ACO1: variants seen among roughly 807,000 people sequenced by gnomAD.
The protein encoded by ACO1 is aconitase 1.
In ACO1, 78 loss-of-function variants were observed where a neutral mutation model predicts 105.1. The ratio of observed to expected loss-of-function variants is 0.74; its 90% CI spans 0.62 to 0.90. The LOEUF is 0.90. Among genes scored for constraint, ACO1 ranks in the 40% least tolerant of loss-of-function variants. The probability of loss-of-function intolerance (pLI) is 0.00; values close to 1 mark genes in which losing one functional copy is unlikely to be tolerated. For missense variants in ACO1, 965 were observed against 1,111.1 expected (o/e 0.87, Z 1.87); for synonymous variants, 364 against 397.4 (o/e 0.92, Z 1.00).
chr9:32,437,497 T>G (rs867135102), intron 18 of ACO1, among the ~76,000 whole-genome samples: 10 of 152,214 alleles, frequency 6.6e-5, no homozygotes, highest in Admixed American at 4.6e-4. Flanking sequence ...AAAAGATACA[T>G]GTCGAATGAT....
chr9:32,393,401 T>A (rs1398166835), intron 1 of ACO1, among the ~76,000 whole-genome samples: 3 of 152,186 alleles, frequency 2.0e-5, no homozygotes, highest in Non-Finnish European at 4.4e-5. Flanking sequence ...TCCCTCCTAA[T>A]AAATTTTGGT....
chr9:32,445,138 G>C (rs989856921), intron 19 of ACO1, among the ~76,000 whole-genome samples: 2 of 152,094 alleles, frequency 1.3e-5, no homozygotes, highest in Non-Finnish European at 2.9e-5. Context: ...AAATGAGTTC[G>C]GGAGGATTCC....
At chr9:32,434,221 A>G (rs1473618405) in intron 16 of ACO1, among the ~76,000 whole-genome samples, 1 of 152,184 alleles carries the variant, frequency 6.6e-6, no homozygotes, top group Non-Finnish European at 1.5e-5. Flanking sequence ...CACTGTGGGA[A>G]GGGATGCAGT....
At chr9:32,417,881 A>C (rs894577971) in intron 4 of ACO1, among the ~76,000 whole-genome samples, 3 of 152,222 alleles carry the variant, frequency 2.0e-5, no homozygotes, top group African/African-American at 7.2e-5. Context: ...ACTTCAATTC[A>C]GTTCATGTTT....
chr9:32,387,900 A>G (rs1563925208), intron 1 of ACO1, among the ~76,000 whole-genome samples: 1 of 152,232 alleles, frequency 6.6e-6, no homozygotes, highest in Non-Finnish European at 1.5e-5. Context: ...AGAGAGTTTT[A>G]TGGAAAAGGA....
chr9:32,427,094 T>A (rs1366973952), intron 11 of ACO1, among the ~76,000 whole-genome samples: 1 of 152,226 alleles, frequency 6.6e-6, no homozygotes, highest in Admixed American at 6.5e-5. Context: ...GCTTTGAGTT[T>A]ACTGCATATA....
At chr9:32,440,258 ACT>A (rs1822446745) in intron 18 of ACO1, among the ~76,000 whole-genome samples, 1 of 151,052 alleles carries the variant, frequency 6.6e-6, no homozygotes, top group Non-Finnish European at 1.5e-5. Context: ...ATAGAGTGAA[ACT>A]CTATCTCAAA....
In ACO1 at chr9:32,431,847, A is replaced by C; in HGVS notation, c.1851+4A>C. ...GGAAGTCTATCAGAAAATAGAGGTG[A>C]GGTCCCACACTGCCCTCCCCGCCCC... On this transcript the variant is annotated splice_donor_region_variant and intron_variant, in intron 15 of 20. Transcript: ENST00000309951. The C allele has an allele frequency of 6.2e-7, 1 of 1,614,002 alleles. No homozygotes were observed. Among genetic ancestry groups the C allele is most frequent in the Non-Finnish European group, 8.5e-7 (1 of 1,179,940 alleles).
chr9:32,387,192 G>A (rs1042510664), intron 1 of ACO1, among the ~76,000 whole-genome samples: 5 of 152,118 alleles, frequency 3.3e-5, no homozygotes, highest in African/African-American at 1.2e-4. Flanking sequence ...CTCCAACCTG[G>A]TGCCAGTCAC....
chr9:32,450,023 C>T lies in ACO1; in HGVS notation c.2582C>T (p.Ala861Val). 7 of 1,614,050 alleles carry T rather than the reference C, an allele frequency of 4.3e-6. No homozygotes were observed. The highest frequency in any genetic ancestry group is 5.9e-6 in the Non-Finnish European group (7 of 1,179,972). ...CTGGATACTGGCAAGACCTTCCAGGCTGTCATGAGGTTTGACACTGATGTG... is the reference window on the plus strand; with the variant it reads ...CTGGATACTGGCAAGACCTTCCAGGTTGTCATGAGGTTTGACACTGATGTG... The part of the protein sequence containing the change: ...VKLDTGKTFQ[A>V]VMRFDTDVEL... Residue 861 changes from alanine to valine, a missense_variant, in exon 21 of 21, where the codon GCT (alanine) becomes GTT (valine). Physicochemically the swap from Ala to Val is moderately conservative, Grantham distance 64. Coordinates refer to ENST00000309951, the MANE Select transcript of ACO1 (RefSeq NM_002197.3).
chr9:32,450,444 C>CACAAGCAAACCTTCTCAGG lies in ACO1; in HGVS notation c.*335_*353dup, dbSNP rs1208854068. The CACAAGCAAACCTTCTCAGG allele has an allele frequency of 2.7e-6, 1 of 369,956 alleles. No homozygotes were observed. Among genetic ancestry groups the CACAAGCAAACCTTCTCAGG allele is most frequent in the African/African-American group, 2.1e-5 (1 of 47,444 alleles). The allele number at this position is 369,956 out of a possible 1,614,324, so 22.9% of individuals were successfully genotyped here. ...TGTTTCCTATTAATCTTCAGCTGAA[C>CACAAGCAAACCTTCTCAGG]ACAAGCAAACCTTCTCAGGAGGTGT... is the stretch of plus-strand genomic sequence containing the variant. On this transcript the variant is annotated 3_prime_UTR_variant, in exon 21 of 21. Transcript: ENST00000309951.
chr9:32,391,845 C>T (rs1345356035), intron 1 of ACO1, among the ~76,000 whole-genome samples: 2 of 152,056 alleles, frequency 1.3e-5, no homozygotes, highest in South Asian at 2.1e-4. Flanking sequence ...CAAGAATCTG[C>T]GATGTACAAG....
chr9:32,449,222 T>A, intron 20 of ACO1, 141 bp downstream of exon 20: 1 of 729,988 alleles, frequency 1.4e-6, no homozygotes, highest in Non-Finnish European at 2.2e-6. Context: ...GGAGGCCTAC[T>A]AGCATCTTTT....
intron 1 of ACO1, among the ~76,000 whole-genome samples, chr9:32,389,758 G>C (rs1277443197): frequency 6.7e-6 from 1 of 148,170 alleles, no homozygotes; most frequent in Admixed American, 6.8e-5. Context: ...CAGCCTCAAC[G>C]ACTGTGAACA....
chr9:32,401,334 T>G (rs1821491235), intron 1 of ACO1, among the ~76,000 whole-genome samples: 1 of 113,500 alleles, frequency 8.8e-6, no homozygotes, highest in South Asian at 3.1e-4. Context: ...TTTTAAGGGT[T>G]TTTTTTTTCC....
At chr9:32,402,983 T>C (rs750247793) in intron 1 of ACO1, among the ~76,000 whole-genome samples, 1 of 152,208 alleles carries the variant, frequency 6.6e-6, no homozygotes, top group Non-Finnish European at 1.5e-5. Context: ...GGCTCAGACC[T>C]GGTCTTGGGG....
Position 32,452,158 on chromosome 9 carries a change from A to C in ACO1, c.*2047A>C, listed in dbSNP as rs1047300370. 1 of 152,232 alleles carries C rather than the reference A, an allele frequency of 6.6e-6. No homozygotes were observed. Among genetic ancestry groups the C allele is most frequent in the Admixed American group, 6.5e-5 (1 of 15,286 alleles). The allele number at this position is 152,232 out of a possible 1,614,324, so 9.4% of individuals were successfully genotyped here. On this transcript the variant is annotated 3_prime_UTR_variant, in exon 21 of 21. Coordinates refer to ENST00000309951, the MANE Select transcript of ACO1 (RefSeq NM_002197.3). ...GATCAGTCCTAGAATAAAAACACTA[A>C]GAATGGCTGAGAAAACAGACCTCCA...
intron 20 of ACO1, among the ~76,000 whole-genome samples, chr9:32,449,458 C>A (rs1052460913): frequency 2.6e-5 from 4 of 152,152 alleles, no homozygotes; most frequent in Admixed American, 2.6e-4. Context: ...CCCATAGGCA[C>A]CAGGCTTTGA....
At chr9:32,403,800 C>A (rs1821549168) in intron 1 of ACO1, among the ~76,000 whole-genome samples, 1 of 152,076 alleles carries the variant, frequency 6.6e-6, no homozygotes, top group South Asian at 2.1e-4. Flanking sequence ...CCCACCACTT[C>A]CCCTGCCTGC....
Sources: gnomAD v4.1 joint callset for allele counts (sites outside exome capture counted in the v4.1 genomes callset) on GRCh38, gnomAD v4.1.1 for gene constraint, MANE v1.5 for transcripts, NCBI Gene and HGNC (gene_info 2026-07-23, HGNC 2026-07-21) for gene names.